RET: variants seen among roughly 807,000 people sequenced by gnomAD.
RET encodes proto-oncogene tyrosine-protein kinase receptor Ret.
Under a neutral mutation model 118.3 loss-of-function variants are expected in RET, and 19 were observed. The observed-to-expected ratio is 0.16, with a 90% confidence interval of 0.11 to 0.24. RET has a LOEUF of 0.24. RET is among the 10% of genes least tolerant of loss of function. The pLI, the probability that RET is intolerant of heterozygous loss-of-function variation, is 1.00. For synonymous variants in RET, 597 were observed against 644.1 expected, an observed-to-expected ratio of 0.93 and a Z score of 1.11; for missense variants, 1,219 against 1,502.1, an observed-to-expected ratio of 0.81 and a Z score of 3.12.
chr10:43,096,875 C>T (rs938920506), intron 1 of RET, among the ~76,000 whole-genome samples: 6 of 152,208 alleles, frequency 3.9e-5, no homozygotes, highest in Non-Finnish European at 8.8e-5. Context: ...GTCCTGCACC[C>T]ACCTCCTTCA....
chr10:43,113,617 C>T lies in RET; in HGVS notation c.1821C>T (p.Gly607=), dbSNP rs1837993502. Residue 607 remains glycine (G), a synonymous_variant, in exon 10 of 20, where the codon GGC becomes GGT. Transcript: ENST00000355710. ...GEPRGIKAGY[G]TCNCFPEEEK... is the part of the protein sequence containing the mutation. ...CCCGGGGGATTAAAGCTGGCTATGG[C>T]ACCTGCAACTGCTTCCCTGAGGAGG... 2 of 1,613,036 alleles carry T rather than the reference C, an allele frequency of 1.2e-6. No individual in the cohort carries two copies. The highest frequency in any genetic ancestry group is 1.7e-6 in the Non-Finnish European group (2 of 1,179,694).
chr10:43,098,421 CTTTTTT>C (rs36075879), intron 1 of RET, among the ~76,000 whole-genome samples: 91 of 129,768 alleles, frequency 7.0e-4, no homozygotes, highest in African/African-American at 2.3e-3. Flanking sequence ...GATTTTCCTC[CTTTTTT>C]TTTTTTTTTT....
At chr10:43,120,728 A>G (rs529054251) in intron 15 of RET, among the ~76,000 whole-genome samples, 7 of 152,300 alleles carry the variant, frequency 4.6e-5, no homozygotes, top group African/African-American at 1.7e-4. Flanking sequence ...GTCCAAGTCT[A>G]TGAAACAGGC....
chr10:43,092,794 G>T (rs529584663), intron 1 of RET, among the ~76,000 whole-genome samples: 75 of 152,304 alleles, frequency 4.9e-4, no homozygotes, highest in African/African-American at 1.8e-3. Context: ...CAGCACAGTG[G>T]CTGGCCCCAC....
chr10:43,082,554 A>AC (rs1837207855), intron 1 of RET, among the ~76,000 whole-genome samples: 1 of 151,706 alleles, frequency 6.6e-6, no homozygotes. Context: ...CAGGTTCTAG[A>AC]CCCCCTCCCA....
chr10:43,098,421 C>CTT (rs36075879), intron 1 of RET, among the ~76,000 whole-genome samples: 42,699 of 129,494 alleles, frequency 0.33, 7,375 homozygotes, highest in Middle Eastern at 0.39. Flanking sequence ...GATTTTCCTC[C>CTT]TTTTTTTTTT....
chr10:43,127,001 G>A, intron 19 of RET: 6 of 1,358,092 alleles, frequency 4.4e-6, no homozygotes, highest in Non-Finnish European at 5.7e-6. Flanking sequence ...AACTCTCAGG[G>A]GAGACCAAGA....
At chr10:43,118,226 G>T in intron 12 of RET, 147 bp from the exon 13 acceptor site, 1 of 709,272 alleles carries the variant, frequency 1.4e-6, no homozygotes, top group African/African-American at 1.8e-5. Context: ...GATCCCAAAG[G>T]CTGGGAGAAG....
chr10:43,115,671 C>A (rs1838055186), intron 11 of RET, among the ~76,000 whole-genome samples: 2 of 152,242 alleles, frequency 1.3e-5, no homozygotes, highest in Non-Finnish European at 1.5e-5. Flanking sequence ...GAGACCACCA[C>A]CCTAACCCCA....
chr10:43,121,403 A>G (rs551071697), intron 15 of RET, among the ~76,000 whole-genome samples: 1 of 152,150 alleles, frequency 6.6e-6, no homozygotes. Flanking sequence ...GTTAGGTCAG[A>G]CCCCAGCACT....
intron 15 of RET, 122 bp downstream of exon 15, chr10:43,120,325 GC>G (rs1838186925): frequency 7.3e-7 from 1 of 1,363,374 alleles, no homozygotes; most frequent in African/African-American, 1.4e-5. Flanking sequence ...GCTTTTTATA[GC>G]CCTCACCCCA....
At chr10:43,109,691 T>C (rs1473899590) in intron 6 of RET, among the ~76,000 whole-genome samples, 1 of 152,182 alleles carries the variant, frequency 6.6e-6, no homozygotes, top group Non-Finnish European at 1.5e-5. Flanking sequence ...AGGAAACGCT[T>C]CCACTTTTTA....
chr10:43,096,854 C>T (rs573204025), intron 1 of RET, among the ~76,000 whole-genome samples: 18 of 152,324 alleles, frequency 1.2e-4, no homozygotes, highest in African/African-American at 3.1e-4. Context: ...GGCTGCAGTC[C>T]GCTGAGGCAG....
rs148874112 is a variant in RET at position 43,100,589 on chromosome 10, G to T, written c.204G>T (p.Leu68=). The T allele has an allele frequency of 9.9e-6, 16 of 1,613,810 alleles. No homozygotes were observed. In the African/African-American group the frequency reaches 1.9e-4, roughly 19 times the overall value. The part of the protein sequence containing the change: ...DAPEEVPSFR[L]GQHLYGTYRT... Reference sequence around the variant, plus strand: ...CTGAGGAGGTGCCCAGCTTCCGCCTGGGCCAGCATCTCTACGGCACGTACC... The same window carrying T: ...CTGAGGAGGTGCCCAGCTTCCGCCTTGGCCAGCATCTCTACGGCACGTACC... Residue 68 remains leucine, a synonymous_variant, in exon 2 of 20, where the codon CTG becomes CTT. Coordinates refer to ENST00000355710, the MANE Select transcript of RET (RefSeq NM_020975.6).
At position 43,128,441 on chromosome 10, in the gene RET, T is replaced by G. The variant is rs1458105715; in HGVS notation, c.*172T>G. 51 of 727,608 alleles carry G rather than the reference T, an allele frequency of 7.0e-5. 1 individual carries two copies. In the East Asian group the frequency reaches 9.4e-4, roughly 13 times the overall value. 45.1% of individuals were successfully genotyped at this position (727,608 alleles called of 1,614,324 possible). Reference sequence around the variant, plus strand: ...ACTTCCAAGGTGGTTTTACTTCTGATAGCCGGTGATTTTCCCTCCTAGCAG... The same window carrying G: ...ACTTCCAAGGTGGTTTTACTTCTGAGAGCCGGTGATTTTCCCTCCTAGCAG... On this transcript the variant is annotated 3_prime_UTR_variant, in exon 20 of 20. Coordinates refer to ENST00000355710, the MANE Select transcript of RET (RefSeq NM_020975.6).
At chr10:43,100,390 T>TTA in intron 1 of RET, 69 bp from the exon 2 acceptor site, 1 of 914,066 alleles carries the variant, frequency 1.1e-6, no homozygotes. Context: ...AATTAATGAT[T>TTA]TTTTTTTTTT....
In RET at chr10:43,104,933, C is replaced by T. The variant is rs1426050483; in HGVS notation, c.626-19C>T. On this transcript the variant is annotated intron_variant, in intron 3 of 19. Coordinates refer to ENST00000355710, the MANE Select transcript of RET (RefSeq NM_020975.6). ...CCCGGCTGGTGATCACGCGGGGCCC[C>T]TGTCTGCTTGGTGCGCAGGTGAGGG... is the stretch of plus-strand genomic sequence containing the variant. The T allele has an allele frequency of 1.3e-6, 2 of 1,552,482 alleles. No individual in the cohort carries two copies. The highest frequency in any genetic ancestry group is 1.7e-6 in the Non-Finnish European group (2 of 1,157,722).
intron 1 of RET, among the ~76,000 whole-genome samples, chr10:43,086,327 G>A (rs1461720551): frequency 6.6e-6 from 1 of 152,234 alleles, no homozygotes; most frequent in Non-Finnish European, 1.5e-5. Flanking sequence ...ACTGGTTAAT[G>A]TTGAACAGGG....
In RET at chr10:43,112,160, TGAG is replaced by T; in HGVS notation, c.1588_1590del (p.Glu530del). ...CAGTCAGCAAGAGACGGCTGGAGTG[TGAG>T]GAGTGTGGCGGCCTGGGCTCCCCAA... On this transcript the variant is annotated inframe_deletion, in exon 8 of 20. Transcript: ENST00000355710. The T allele has an allele frequency of 6.3e-7, 1 of 1,588,078 alleles. No individual in the cohort carries two copies. The highest frequency in any genetic ancestry group is 8.6e-7 in the Non-Finnish European group (1 of 1,167,142).
Sources: allele counts gnomAD v4.1 joint callset (sites outside exome capture counted in the v4.1 genomes callset), GRCh38; gene constraint gnomAD v4.1.1; transcripts MANE v1.5; gene names NCBI Gene and HGNC (gene_info 2026-07-23, HGNC 2026-07-21).